PGS1: variants seen among roughly 807,000 people sequenced by gnomAD.
PGS1 encodes CDP-diacylglycerol--glycerol-3-phosphate 3-phosphatidyltransferase, mitochondrial.
A neutral mutation model predicts 58.3 loss-of-function variants in PGS1; 44 were observed. The observed-to-expected ratio is 0.75, with a 90% CI of 0.59 to 0.97. The LOEUF is 0.97. Among genes scored for constraint, PGS1 ranks in the 50% least tolerant of loss-of-function variants. The probability of loss-of-function intolerance (pLI) is 0.00; values close to 1 mark genes in which losing one functional copy is unlikely to be tolerated. For synonymous variants in PGS1, 330 were observed against 311.0 expected (o/e 1.06, Z -0.64); for missense variants, 684 against 731.1 (o/e 0.94, Z 0.74).
chr17:78,413,819 C>T (rs138214196), intron 7 of PGS1, among the ~76,000 whole-genome samples: 14 of 152,314 alleles, frequency 9.2e-5, no homozygotes, highest in Non-Finnish European at 4.4e-5. Context: ...AGTTGTGGAA[C>T]GGGGCGCAAA....
At chr17:78,419,841 A>C (rs1315729512) in intron 9 of PGS1, 166 bp downstream of exon 9, 1 of 1,397,368 alleles carries the variant, frequency 7.2e-7, no homozygotes, top group African/African-American at 1.5e-5. Flanking sequence ...TCAAAGTTAG[A>C]AGCTGGATGC....
chr17:78,382,370 G>A (rs1311192484), intron 1 of PGS1, among the ~76,000 whole-genome samples: 2 of 152,086 alleles, frequency 1.3e-5, no homozygotes, highest in African/African-American at 2.4e-5. Context: ...ATATGAAGTC[G>A]GGGCAGTGGG....
At chr17:78,399,244 T>C (rs1163616206) in intron 4 of PGS1, 104 bp from the exon 5 acceptor site, 1 of 832,860 alleles carries the variant, frequency 1.2e-6, no homozygotes, top group Non-Finnish European at 2.0e-6. Flanking sequence ...CTGATTCAGG[T>C]GGACGGCACA....
intron 1 of PGS1, among the ~76,000 whole-genome samples, chr17:78,380,455 C>T (rs1229141048): frequency 1.3e-5 from 2 of 152,206 alleles, no homozygotes; most frequent in Non-Finnish European, 2.9e-5. Flanking sequence ...AGAATCAGGG[C>T]AGGATGGCGC....
At chr17:78,379,297 C>T (rs957150168) in intron 1 of PGS1, among the ~76,000 whole-genome samples, 6 of 152,082 alleles carry the variant, frequency 3.9e-5, no homozygotes, top group African/African-American at 1.4e-4. Context: ...GAGCGTTTCT[C>T]ACATCCTGCC....
intron 7 of PGS1, among the ~76,000 whole-genome samples, chr17:78,405,334 GATC>G (rs898288313): frequency 1.3e-5 from 2 of 152,188 alleles, no homozygotes; most frequent in African/African-American, 4.8e-5. Flanking sequence ...ATTCATTAGG[GATC>G]ATTTGTTTTG....
In PGS1 at chr17:78,419,531, G is replaced by C; in HGVS notation, c.1552-15G>C. The C allele has an allele frequency of 6.2e-7, 1 of 1,612,406 alleles. No homozygotes were observed. The highest frequency in any genetic ancestry group is 8.5e-7 in the Non-Finnish European group (1 of 1,178,812). ...AGGGGACTCCTCACTATTCCTGTCTGTTCCTCTTCCTCAGGAGCAAGAGCA... is the reference window on the plus strand; with the variant it reads ...AGGGGACTCCTCACTATTCCTGTCTCTTCCTCTTCCTCAGGAGCAAGAGCA... On this transcript the variant is annotated splice_polypyrimidine_tract_variant and intron_variant, in intron 8 of 9. Transcript: ENST00000262764.
chr17:78,419,137 T>TG (rs2085467485), intron 8 of PGS1, among the ~76,000 whole-genome samples: 1 of 152,086 alleles, frequency 6.6e-6, no homozygotes, highest in South Asian at 2.1e-4. Context: ...CCTCCCAAGT[T>TG]GCTGGGGCTA....
At chr17:78,414,120 C>G (rs767739515) in intron 7 of PGS1, among the ~76,000 whole-genome samples, 1 of 152,236 alleles carries the variant, frequency 6.6e-6, no homozygotes, top group Non-Finnish European at 1.5e-5. Context: ...GCCTGGACCC[C>G]CTTTGTCCTC....
At chr17:78,397,077 T>G (rs1311891947) in intron 3 of PGS1, among the ~76,000 whole-genome samples, 2 of 152,240 alleles carry the variant, frequency 1.3e-5, no homozygotes, top group Non-Finnish European at 2.9e-5. Context: ...CAGCCTTGTT[T>G]CCCTCGGACT....
chr17:78,387,011 A>G (rs557548415), intron 1 of PGS1, among the ~76,000 whole-genome samples: 17 of 151,262 alleles, frequency 1.1e-4, no homozygotes, highest in Non-Finnish European at 1.8e-4. Flanking sequence ...GATGATGGTG[A>G]TGATGATTAG....
chr17:78,409,480 G>A (rs921973150), intron 7 of PGS1, among the ~76,000 whole-genome samples: 2 of 152,232 alleles, frequency 1.3e-5, no homozygotes, highest in Non-Finnish European at 2.9e-5. Flanking sequence ...GGTGAGAGGC[G>A]GGCAGCCCCA....
In PGS1 at chr17:78,385,725, G is replaced by A. The variant is rs190849776; in HGVS notation, c.144-6751G>A. Among the ~76,000 whole-genome samples, 218 of 152,274 alleles carry A rather than the reference G, an allele frequency of 1.4e-3. 2 individuals carry two copies. The highest frequency in any genetic ancestry group is 4.8e-3 in the African/African-American group (201 of 41,574). ...CCGTGAGCCACTGTGCCCGGCCCCC[G>A]GGTTTCTTTTGTAAACAGGTGTGTT... On this transcript the variant is annotated intron_variant, in intron 1 of 9. Transcript: ENST00000262764.
At chr17:78,393,572 T>C (rs1288125258) in intron 2 of PGS1, among the ~76,000 whole-genome samples, 3 of 152,096 alleles carry the variant, frequency 2.0e-5, no homozygotes. Flanking sequence ...GTCATCTTGG[T>C]AGATGTAGTA....
At chr17:78,422,533 C>CT (rs1216989288) in intron 9 of PGS1, among the ~76,000 whole-genome samples, 2 of 151,250 alleles carry the variant, frequency 1.3e-5, no homozygotes, top group Non-Finnish European at 2.9e-5. Flanking sequence ...GGGTCTCACT[C>CT]TGTCACCCAG....
rs1294224227 is a variant in PGS1 at position 78,388,989 on chromosome 17, GT to G, written c.144-3485del. On this transcript the variant is annotated intron_variant, in intron 1 of 9. Transcript: ENST00000262764. ...ACATGATGGCTTTGTTGAGGGTTAA[GT>G]TGAACAAGTTGAACTTGCCCTCTCC... Among the ~76,000 whole-genome samples, 209 of 101,378 alleles carry G rather than the reference GT, an allele frequency of 2.1e-3. 2 individuals carry two copies. The highest frequency in any genetic ancestry group is 0.011 in the African/African-American group (193 of 17,308). The allele number at this position is 101,378 out of a possible 152,430, so 66.5% of individuals were successfully genotyped here.
chr17:78,384,395 A>T (rs1033182863), intron 1 of PGS1, among the ~76,000 whole-genome samples: 4 of 152,180 alleles, frequency 2.6e-5, no homozygotes, highest in Non-Finnish European at 5.9e-5. Context: ...AAGTGTTATG[A>T]CTGTTGCTTT....
intron 6 of PGS1, 101 bp from the exon 7 acceptor site, chr17:78,403,467 T>A: frequency 8.3e-7 from 1 of 1,207,146 alleles, no homozygotes; most frequent in South Asian, 1.4e-5. Flanking sequence ...CATCCAGTTG[T>A]AGCGTCTGCA....
intron 1 of PGS1, among the ~76,000 whole-genome samples, chr17:78,380,591 G>A (rs945871532): frequency 1.3e-5 from 2 of 152,176 alleles, no homozygotes; most frequent in Admixed American, 6.5e-5. Context: ...TCATCTCTGG[G>A]TGACGAAGTC....
Sources: gnomAD v4.1 joint callset for allele counts (sites outside exome capture counted in the v4.1 genomes callset) on GRCh38, gnomAD v4.1.1 for gene constraint, MANE v1.5 for transcripts, NCBI Gene and HGNC (gene_info 2026-07-23, HGNC 2026-07-21) for gene names.